APOL1: variants seen among roughly 807,000 people sequenced by gnomAD.
APOL1 encodes the protein apolipoprotein L 1.
A neutral mutation model predicts 14.9 loss-of-function variants in APOL1; 17 were observed. That is an observed-to-expected ratio of 1.14 (90% confidence interval 0.78 to 1.71). APOL1 has a LOEUF of 1.71. APOL1 is among the 40% of genes most tolerant of loss of function. The probability of loss-of-function intolerance (pLI) is 0.00; values close to 1 mark genes in which losing one functional copy is unlikely to be tolerated. For synonymous variants in APOL1, 195 were observed against 184.8 expected (o/e 1.05, Z -0.45); for missense variants, 523 against 485.9 (o/e 1.08, Z -0.72).
At position 36,253,232 on chromosome 22, in the gene APOL1, C is replaced by T. The variant is rs1016884891; in HGVS notation, c.-20+13C>T. ...GGAAGATTCCTTGGTAAGTTGGGGA[C>T]AGTTGACCTGCCTCCATCTTATTCT... On this transcript the variant is annotated intron_variant, in intron 1 of 5. Transcript: ENST00000397278. 4.6e-6 allele frequency: 2 copies of T among 436,798 alleles called. No individual in the cohort carries two copies. Among genetic ancestry groups the T allele is most frequent in the Admixed American group, 2.5e-5 (1 of 39,816 alleles). The allele number at this position is 436,798 out of a possible 1,614,324, so 27.1% of individuals were successfully genotyped here.
At chr22:36,256,136 A>G (rs2015869811) in intron 2 of APOL1, among the ~76,000 whole-genome samples, 1 of 152,182 alleles carries the variant, frequency 6.6e-6, no homozygotes, top group Non-Finnish European at 1.5e-5. Context: ...GGTGTTGATA[A>G]CAAGTATATT....
chr22:36,265,313 T>G lies in APOL1; in HGVS notation c.477T>G (p.Arg159=). Reference sequence around the variant, plus strand: ...TTGAGGATAACATAAGAAGGCTCCGTGCCCTTGCAGATGGGGTTCAGAAGG... The same window carrying G: ...TTGAGGATAACATAAGAAGGCTCCGGGCCCTTGCAGATGGGGTTCAGAAGG... ...SELEDNIRRL[R]ALADGVQKVH... Residue 159 remains arginine, a synonymous_variant, in exon 6 of 6, where the codon CGT becomes CGG. Coordinates refer to ENST00000397278, the MANE Select transcript of APOL1 (RefSeq NM_003661.4). 6.2e-7 allele frequency: 1 copy of G among 1,613,206 alleles called. No homozygotes were observed. Among genetic ancestry groups the G allele is most frequent in the Non-Finnish European group, 8.5e-7 (1 of 1,179,576 alleles).
chr22:36,255,093 G>A, intron 2 of APOL1, 94 bp downstream of exon 2: 1 of 1,429,636 alleles, frequency 7.0e-7, no homozygotes, highest in Non-Finnish European at 9.8e-7. Flanking sequence ...GGCCATCTGG[G>A]CTTCTTCTAG....
chr22:36,254,376 A>G (rs1319833490), intron 1 of APOL1, among the ~76,000 whole-genome samples: 1 of 152,090 alleles, frequency 6.6e-6, no homozygotes, highest in Non-Finnish European at 1.5e-5. Flanking sequence ...CAGCCTGGGA[A>G]ACACAGGAGA....
intron 2 of APOL1, 101 bp downstream of exon 2, chr22:36,255,100 C>T: frequency 7.2e-7 from 1 of 1,384,768 alleles, no homozygotes; most frequent in East Asian, 2.3e-5. Context: ...TGGGCTTCTT[C>T]TAGGAACCAA....
chr22:36,254,703 A>C (rs547660035), intron 1 of APOL1, among the ~76,000 whole-genome samples: 11 of 152,228 alleles, frequency 7.2e-5, no homozygotes, highest in Non-Finnish European at 5.9e-5. Flanking sequence ...TCTACTAAAA[A>C]TACAAAAAAA....
intron 4 of APOL1, among the ~76,000 whole-genome samples, chr22:36,259,195 T>C (rs1451666675): frequency 1.3e-5 from 2 of 152,190 alleles, no homozygotes; most frequent in African/African-American, 2.4e-5. Flanking sequence ...ACAGCTGTTC[T>C]AAAGGCCTCG....
At chr22:36,263,379 A>G (rs1006438503) in intron 5 of APOL1, among the ~76,000 whole-genome samples, 3 of 152,228 alleles carry the variant, frequency 2.0e-5, no homozygotes, top group African/African-American at 7.2e-5. Flanking sequence ...AGATAGCCAG[A>G]CTGCAATGTC....
intron 4 of APOL1, among the ~76,000 whole-genome samples, chr22:36,258,155 C>T (rs74904227): frequency 2.0e-5 from 3 of 152,288 alleles, no homozygotes; most frequent in South Asian, 2.1e-4. Context: ...CCCGTCCCCC[C>T]CCAGCTGTGT....
At chr22:36,259,388 G>T (rs566163634) in intron 4 of APOL1, among the ~76,000 whole-genome samples, 1 of 152,072 alleles carries the variant, frequency 6.6e-6, no homozygotes, top group African/African-American at 2.4e-5. Flanking sequence ...ACAATCGCTC[G>T]CCCAGCCAAG....
At chr22:36,254,108 A>G (rs959454080) in intron 1 of APOL1, 17 of 1,196,764 alleles carry the variant, frequency 1.4e-5, no homozygotes, top group South Asian at 5.1e-5. Context: ...TAGAGTCACA[A>G]GGGCAGATGT....
chr22:36,265,926 AAGTCAG>A lies in APOL1; in HGVS notation c.1093_1098del (p.Ser365_Glu366del), dbSNP rs1364230504. On this transcript the variant is annotated inframe_deletion, in exon 6 of 6. Coordinates refer to ENST00000397278, the MANE Select transcript of APOL1 (RefSeq NM_003661.4). ...ATCAAAGCACTTACATGAGGGGGCA[AAGTCAG>A]AGACAGCTGAGGAGCTGAAGAAGGT... is the stretch of plus-strand genomic sequence containing the variant. 1 of 1,614,132 alleles carries A rather than the reference AAGTCAG, an allele frequency of 6.2e-7. No homozygotes were observed. Among genetic ancestry groups the A allele is most frequent in the South Asian group, 1.1e-5 (1 of 91,076 alleles).
At chr22:36,259,059 C>T (rs974544829) in intron 4 of APOL1, among the ~76,000 whole-genome samples, 1 of 152,138 alleles carries the variant, frequency 6.6e-6, no homozygotes, top group African/African-American at 2.4e-5. Flanking sequence ...CTTCTGTGAC[C>T]TCCCAGTATC....
At chr22:36,264,345 C>T (rs1204171648) in intron 5 of APOL1, among the ~76,000 whole-genome samples, 5 of 152,186 alleles carry the variant, frequency 3.3e-5, no homozygotes, top group Non-Finnish European at 7.3e-5. Context: ...AATCACCAGG[C>T]AAAGACAGAT....
intron 3 of APOL1, 48 bp downstream of exon 3, chr22:36,257,184 C>A (rs542549965): frequency 6.2e-7 from 1 of 1,612,908 alleles, no homozygotes; most frequent in African/African-American, 1.3e-5. Flanking sequence ...GATAGACAAA[C>A]AATCTGGTTT....
chr22:36,266,051 C>G lies in APOL1; in HGVS notation c.*18C>G, dbSNP rs2016251351. On this transcript the variant is annotated 3_prime_UTR_variant, in exon 6 of 6. Transcript: ENST00000397278. ...AACTGTGACCACAGGGCAGGGCAGC[C>G]ACCAGGAGAGATATGCCTGGCAGGG... 1 of 1,569,472 alleles carries G rather than the reference C, an allele frequency of 6.4e-7. No homozygotes were observed. The highest frequency in any genetic ancestry group is 8.6e-7 in the Non-Finnish European group (1 of 1,159,644).
chr22:36,253,208 G>GAAGAT lies in APOL1; in HGVS notation c.-30_-26dup. ...GGATCTTGCTCAGTCTCTGCCAGGG[G>GAAGAT]AAGATTCCTTGGTAAGTTGGGGACA... On this transcript the variant is annotated 5_prime_UTR_variant, in exon 1 of 6. Transcript: ENST00000397278. 4.2e-6 allele frequency: 2 copies of GAAGAT among 479,090 alleles called. No homozygotes were observed. The highest frequency in any genetic ancestry group is 3.1e-5 in the South Asian group (2 of 64,774). 29.7% of individuals were successfully genotyped at this position (479,090 alleles called of 1,614,324 possible).
At position 36,266,533 on chromosome 22, in the gene APOL1, C is replaced by T. The variant is rs994484876; in HGVS notation, c.*500C>T. On this transcript the variant is annotated 3_prime_UTR_variant, in exon 6 of 6. Coordinates refer to ENST00000397278, the MANE Select transcript of APOL1 (RefSeq NM_003661.4). ...CAGTGCAGCAAGGAGAAGGCAGGAACATTGGAGCCTGCAATAAGGGAAAAA... is the reference window on the plus strand; with the variant it reads ...CAGTGCAGCAAGGAGAAGGCAGGAATATTGGAGCCTGCAATAAGGGAAAAA... The T allele has an allele frequency of 5.0e-6, 2 of 399,678 alleles. No homozygotes were observed. The highest frequency in any genetic ancestry group is 4.4e-5 in the Admixed American group (1 of 22,764). The allele number at this position is 399,678 out of a possible 1,614,324, so 24.8% of individuals were successfully genotyped here. A position where few individuals can be genotyped will look rare whatever the true frequency, so the allele number is the denominator to read the frequency against.
rs768088889 is a variant in APOL1, at chr22:36,266,692, TCAGGAGATCGAGAC to T, written c.*662_*675del. ...AGGCCAAGGCGGGCGGATCACGAGG[TCAGGAGATCGAGAC>T]CATCCTGGCTAACACAGTGAAACCC... On this transcript the variant is annotated 3_prime_UTR_variant, in exon 6 of 6. Coordinates refer to ENST00000397278, the MANE Select transcript of APOL1 (RefSeq NM_003661.4). 49 of 366,330 alleles carry T rather than the reference TCAGGAGATCGAGAC, an allele frequency of 1.3e-4. No individual in the cohort carries two copies. The highest frequency in any genetic ancestry group is 1.2e-3 in the East Asian group (33 of 26,430). The allele number at this position is 366,330 out of a possible 1,614,324, so 22.7% of individuals were successfully genotyped here.
Sources: gnomAD v4.1 joint callset for allele counts (sites outside exome capture counted in the v4.1 genomes callset) on GRCh38, gnomAD v4.1.1 for gene constraint, MANE v1.5 for transcripts, NCBI Gene and HGNC (gene_info 2026-07-23, HGNC 2026-07-21) for gene names.